The following ACMSD variants were observed in gnomAD, a reference collection of about 807,000 sequenced individuals.
ACMSD encodes the protein 2-amino-3-carboxymuconate-6-semialdehyde decarboxylase.
A neutral mutation model predicts 45.9 loss-of-function variants in ACMSD; 37 were observed. The observed-to-expected ratio is 0.81, with a 90% CI of 0.62 to 1.06. The LOEUF (loss-of-function observed/expected upper bound fraction) is 1.06. Ranked by LOEUF, ACMSD falls within the 50% of genes least tolerant of loss-of-function variation. ACMSD has a pLI of 0.00. For missense variants in ACMSD, 434 were observed against 420.9 expected, an observed-to-expected ratio of 1.03 and a Z score of -0.27; for synonymous variants, 138 against 148.8, an observed-to-expected ratio of 0.93 and a Z score of 0.53.
chr2:134,880,719 C>T (rs904122959), intron 8 of ACMSD, among the ~76,000 whole-genome samples: 2 of 151,780 alleles, frequency 1.3e-5, no homozygotes, highest in African/African-American at 4.8e-5. Context: ...GCTTTTTTGT[C>T]TGTTTTTTAA....
At position 134,896,793 on chromosome 2, in the gene ACMSD, A is replaced by C. The variant is rs1478895610; in HGVS notation, c.850-1548A>C. 4.0e-4 allele frequency among the ~76,000 whole-genome samples: 61 copies of C among 152,158 alleles called. 1 individual carries two copies. Among genetic ancestry groups the C allele is most frequent in the Admixed American group, 4.0e-3 (61 of 15,240 alleles). On this transcript the variant is annotated intron_variant, in intron 8 of 9. Transcript: ENST00000356140. ...TGCGCCAGCACTTCCACTCTTAGGT[A>C]CGTATTGATTCAAGCAATAACATGG...
intron 8 of ACMSD, among the ~76,000 whole-genome samples, chr2:134,885,041 C>T (rs554663011): frequency 6.6e-6 from 1 of 150,446 alleles, no homozygotes; most frequent in Admixed American, 6.7e-5. Context: ...ACGGAAAATT[C>T]AAAAATTAGC....
chr2:134,871,193 G>C, intron 7 of ACMSD, 133 bp downstream of exon 7: 1 of 812,318 alleles, frequency 1.2e-6, no homozygotes, highest in South Asian at 1.8e-5. Flanking sequence ...GTGCTGGCAG[G>C]GTTGGTTTCT....
chr2:134,888,413 T>C (rs914360784), intron 8 of ACMSD, among the ~76,000 whole-genome samples: 7 of 152,192 alleles, frequency 4.6e-5, no homozygotes, highest in African/African-American at 1.7e-4. Context: ...TTTTCACACA[T>C]TGTTAGTAGA....
chr2:134,845,331 T>C, intron 2 of ACMSD, 54 bp downstream of exon 2: 2 of 1,600,498 alleles, frequency 1.2e-6, no homozygotes, highest in South Asian at 1.1e-5. Flanking sequence ...AGCTGAGCCA[T>C]GGGATACCTC....
chr2:134,886,246 A>ATTATTTTTTTTTTTTTT, intron 8 of ACMSD, among the ~76,000 whole-genome samples: 1 of 115,476 alleles, frequency 8.7e-6, no homozygotes, highest in African/African-American at 3.6e-5. Context: ...TATTATTATT[A>ATTATTTTTTTTTTTTTT]TTTTTTTTTT....
In ACMSD at chr2:134,889,742, G is replaced by C. The variant is rs79523341; in HGVS notation, c.850-8599G>C. On this transcript the variant is annotated intron_variant, in intron 8 of 9. Coordinates refer to ENST00000356140, the MANE Select transcript of ACMSD (RefSeq NM_138326.3). ...GAAGACTTTGGTCTTGAGGGTAACTGTACTCAAAGAATGGTGGGGAAATAG... is the reference window on the plus strand; with the variant it reads ...GAAGACTTTGGTCTTGAGGGTAACTCTACTCAAAGAATGGTGGGGAAATAG... 3.5e-3 allele frequency among the ~76,000 whole-genome samples: 530 copies of C among 152,128 alleles called. 3 individuals are homozygous for C. Among genetic ancestry groups the C allele is most frequent in the African/African-American group, 0.012 (491 of 41,522 alleles).
intron 9 of ACMSD, among the ~76,000 whole-genome samples, chr2:134,899,281 A>C (rs1690360973): frequency 6.6e-6 from 1 of 152,172 alleles, no homozygotes; most frequent in African/African-American, 2.4e-5. Context: ...CTTAAAGTAC[A>C]TTAACAGATG....
Position 134,863,383 on chromosome 2 carries a change from T to C in ACMSD, c.250-12T>C. On this transcript the variant is annotated splice_polypyrimidine_tract_variant and intron_variant, in intron 4 of 9. Coordinates refer to ENST00000356140, the MANE Select transcript of ACMSD (RefSeq NM_138326.3). The stretch of plus-strand genomic sequence containing the variant: ...TTCAACAATGCGGTTTTCCCTTTCC[T>C]GTCTCCACCAGGCCAAACCTGAGGA... 1 of 1,612,056 alleles carries C rather than the reference T, an allele frequency of 6.2e-7. No homozygotes were observed. The highest frequency in any genetic ancestry group is 1.7e-5 in the Admixed American group (1 of 60,012).
chr2:134,867,840 T>A (rs776959829), intron 6 of ACMSD, 168 bp downstream of exon 6: 1 of 406,620 alleles, frequency 2.5e-6, no homozygotes, highest in Non-Finnish European at 4.4e-6. Context: ...TATATATATA[T>A]ATATAACCTC....
chr2:134,872,863 C>A (rs1168925881), intron 8 of ACMSD: 7 of 505,972 alleles, frequency 1.4e-5, no homozygotes, highest in African/African-American at 1.1e-4. Flanking sequence ...ATTATATATG[C>A]CAGAGAAATC....
chr2:134,873,062 T>C (rs149222266), intron 8 of ACMSD: 235 of 186,626 alleles, frequency 1.3e-3, no homozygotes, highest in African/African-American at 5.1e-3. Context: ...TGAATACAAC[T>C]GTCCTCATCC....
chr2:134,863,130 C>T (rs1317709607), intron 4 of ACMSD: 18 of 839,558 alleles, frequency 2.1e-5, no homozygotes, highest in Non-Finnish European at 2.3e-5. Context: ...GGATACCATG[C>T]CAGTAATTGT....
chr2:134,847,443 G>GGT (rs1553508809), intron 2 of ACMSD, among the ~76,000 whole-genome samples: 1 of 142,302 alleles, frequency 7.0e-6, no homozygotes, highest in Non-Finnish European at 1.5e-5. Flanking sequence ...TAGATAGATA[G>GGT]ATAGATATAG....
intron 3 of ACMSD, among the ~76,000 whole-genome samples, chr2:134,861,316 G>A (rs948339504): frequency 6.6e-6 from 1 of 152,172 alleles, no homozygotes; most frequent in Admixed American, 6.5e-5. Flanking sequence ...ACTACTTACG[G>A]CTGCACGGTA....
chr2:134,867,525 ATCTG>A lies in ACMSD; in HGVS notation c.487-53_487-50del, dbSNP rs1688158903. The A allele has an allele frequency of 2.9e-6, 4 of 1,394,946 alleles. No homozygotes were observed. In the East Asian group the frequency reaches 9.1e-5, roughly 32 times the overall value. 86.4% of individuals were successfully genotyped at this position (1,394,946 alleles called of 1,614,324 possible). On this transcript the variant is annotated intron_variant, in intron 5 of 9. Transcript: ENST00000356140. ...CAGTTTCCCCAAAACAGTACCTGGT[ATCTG>A]CTCACTCATCAAAGTAACCCTCTCT...
chr2:134,884,944 C>T (rs887689244), intron 8 of ACMSD, among the ~76,000 whole-genome samples: 2 of 151,296 alleles, frequency 1.3e-5, no homozygotes, highest in African/African-American at 4.9e-5. Flanking sequence ...GCCAGTAATC[C>T]TAGCACTTTG....
At chr2:134,852,419 A>G (rs1046443876) in intron 2 of ACMSD, among the ~76,000 whole-genome samples, 2 of 152,162 alleles carry the variant, frequency 1.3e-5, no homozygotes, top group African/African-American at 2.4e-5. Flanking sequence ...GGAGGTGGAG[A>G]GAAGTGGACC....
intron 2 of ACMSD, among the ~76,000 whole-genome samples, chr2:134,854,948 A>G (rs892344435): frequency 6.6e-6 from 1 of 152,226 alleles, no homozygotes; most frequent in Non-Finnish European, 1.5e-5. Context: ...GCACTCTGCT[A>G]TACTGGGTAT....
Sources: gnomAD v4.1 joint callset for allele counts (sites outside exome capture counted in the v4.1 genomes callset) on GRCh38, gnomAD v4.1.1 for gene constraint, MANE v1.5 for transcripts, NCBI Gene and HGNC (gene_info 2026-07-23, HGNC 2026-07-21) for gene names.